Variants in ASCC2 observed in about 807,000 individuals in gnomAD.
The protein encoded by ASCC2 is activating signal cointegrator 1 complex subunit 2.
ASCC2 carries 42 observed loss-of-function variants against 93.5 expected under a neutral mutation model. The observed-to-expected ratio is 0.45, with a 90% confidence interval of 0.35 to 0.58. The LOEUF (loss-of-function observed/expected upper bound fraction) is 0.58, where lower values mean the gene tolerates loss of function less well. Ranked by LOEUF, ASCC2 falls within the 20% of genes least tolerant of loss-of-function variation. ASCC2 has a pLI of 0.00. For missense variants in ASCC2, 859 were observed against 977.6 expected (o/e 0.88, Z 1.62); for synonymous variants, 364 against 384.2 (o/e 0.95, Z 0.62).
chr22:29,832,410 G>A (rs2063263317), intron 1 of ASCC2, 68 bp from the exon 2 acceptor site: 1 of 1,246,798 alleles, frequency 8.0e-7, no homozygotes, highest in South Asian at 1.3e-5. Context: ...CCTGCTCTGG[G>A]GCTGATCCCA....
Position 29,822,413 on chromosome 22 carries a change from G to A in ASCC2, c.463C>T (p.Leu155Phe), listed in dbSNP as rs1209101749. 1.2e-6 allele frequency: 2 copies of A among 1,614,010 alleles called. No individual in the cohort carries two copies. Among genetic ancestry groups the A allele is most frequent in the Non-Finnish European group, 1.7e-6 (2 of 1,179,970 alleles). The change falls in exon 5 of 20, where the codon CTC becomes TTC. Residue 155 changes from leucine (L) to phenylalanine (F), a missense_variant. Leu to Phe is a conservative substitution (Grantham distance 22). Coordinates refer to ENST00000307790, the MANE Select transcript of ASCC2 (RefSeq NM_032204.5). ...AFGEILYNNF[L>F]FDIPKILDLC... ...TCCAGGATCTTTGGAATGTCAAAGA[G>A]GAAGTTATTGTAGAGGATTTCTCCA...
chr22:29,808,302 C>T, intron 8 of ASCC2, 117 bp from the exon 9 acceptor site: 1 of 1,044,214 alleles, frequency 9.6e-7, no homozygotes, highest in Non-Finnish European at 1.4e-6. Flanking sequence ...ACACAATTTT[C>T]TCCAGGGACC....
At chr22:29,837,347 C>G (rs926347649) in intron 1 of ASCC2, among the ~76,000 whole-genome samples, 2 of 152,070 alleles carry the variant, frequency 1.3e-5, no homozygotes, top group Middle Eastern at 3.5e-3. Context: ...GCAGGAGAAT[C>G]GCTTGAACCC....
At chr22:29,837,429 T>C (rs2063965283) in intron 1 of ASCC2, among the ~76,000 whole-genome samples, 1 of 135,640 alleles carries the variant, frequency 7.4e-6, no homozygotes, top group African/African-American at 2.5e-5. Context: ...CAAGACCCCG[T>C]CTTGGGGGGA....
At chr22:29,823,556 T>C (rs249403) in intron 4 of ASCC2, among the ~76,000 whole-genome samples, 11,838 of 152,282 alleles carry the variant, frequency 0.078, 513 homozygotes, top group African/African-American at 0.089. Flanking sequence ...TATGAAAATT[T>C]TGTATTTGTG....
At position 29,790,452 on chromosome 22, in the gene ASCC2, G is replaced by A. The variant is rs765480387; in HGVS notation, c.2102+17C>T. The stretch of plus-strand genomic sequence containing the variant: ...GGTGGGAGGGGTCCCCCCAGAAGCA[G>A]CCCCTTGAATGCTCACCCTTTCTTG... On this transcript the variant is annotated intron_variant, in intron 19 of 19. Transcript: ENST00000307790. 1.4e-5 allele frequency: 23 copies of A among 1,613,744 alleles called. No individual in the cohort carries two copies. The African/African-American group carries it at 2.1e-4, about 15-fold the overall frequency.
intron 2 of ASCC2, among the ~76,000 whole-genome samples, 186 bp downstream of exon 2, chr22:29,832,059 C>T (rs1351097686): frequency 1.3e-5 from 2 of 152,088 alleles, no homozygotes; most frequent in Non-Finnish European, 2.9e-5. Flanking sequence ...TATGCAAATT[C>T]AAGTTGCTGC....
At chr22:29,818,407 CACACACA>C (rs1384376291) in intron 5 of ASCC2, among the ~76,000 whole-genome samples, 19 of 3,318 alleles carry the variant, frequency 5.7e-3, no homozygotes, top group Non-Finnish European at 0.013. Flanking sequence ...CCTGCCTACA[CACACACA>C]CACACACACA....
At chr22:29,819,234 C>T (rs1175511319) in intron 5 of ASCC2, among the ~76,000 whole-genome samples, 4 of 152,150 alleles carry the variant, frequency 2.6e-5, no homozygotes, top group African/African-American at 4.8e-5. Context: ...AATCTCGGCT[C>T]GCTGCAACCT....
At chr22:29,806,998 G>A (rs1213732096) in intron 9 of ASCC2, 94 bp from the exon 10 acceptor site, 1 of 901,828 alleles carries the variant, frequency 1.1e-6, no homozygotes, top group South Asian at 1.7e-5. Flanking sequence ...TAGCATCTTG[G>A]GAATCTGAGG....
chr22:29,796,634 A>G (rs576176245), intron 15 of ASCC2, among the ~76,000 whole-genome samples: 1 of 152,308 alleles, frequency 6.6e-6, no homozygotes, highest in South Asian at 2.1e-4. Flanking sequence ...CACATCCACC[A>G]GGGAAGGGGC....
intron 4 of ASCC2, among the ~76,000 whole-genome samples, chr22:29,822,766 G>A (rs1814412559): frequency 1.4e-5 from 2 of 145,880 alleles, no homozygotes; most frequent in South Asian, 4.4e-4. Context: ...TGTTGCCCAG[G>A]CTGATGTGCA....
At chr22:29,834,374 G>A in intron 1 of ASCC2, 1 of 399,096 alleles carries the variant, frequency 2.5e-6, no homozygotes, top group Non-Finnish European at 5.1e-6. Flanking sequence ...AAGGCAAGGA[G>A]GTGGAAACAG....
chr22:29,792,588 A>G, intron 17 of ASCC2, 53 bp from the exon 18 acceptor site: 3 of 1,606,806 alleles, frequency 1.9e-6, no homozygotes, highest in Non-Finnish European at 2.6e-6. Flanking sequence ...CAGGAGCAAG[A>G]GCCACAAGGA....
chr22:29,816,434 G>T (rs973229686), intron 5 of ASCC2, among the ~76,000 whole-genome samples: 15 of 152,234 alleles, frequency 9.9e-5, no homozygotes, highest in African/African-American at 3.4e-4. Context: ...GGCTCTGCAA[G>T]TTGGAGTTAG....
chr22:29,831,741 T>G (rs747050853), intron 2 of ASCC2, among the ~76,000 whole-genome samples: 1 of 152,236 alleles, frequency 6.6e-6, no homozygotes, highest in African/African-American at 2.4e-5. Context: ...GACATGTTCA[T>G]AGCCTCCTTA....
chr22:29,798,827 A>G (rs995230996), intron 15 of ASCC2, among the ~76,000 whole-genome samples: 2 of 152,234 alleles, frequency 1.3e-5, no homozygotes, highest in Non-Finnish European at 1.5e-5. Context: ...GGTGTCTAGC[A>G]TAGGATCTGG....
intron 1 of ASCC2, among the ~76,000 whole-genome samples, chr22:29,837,283 AT>A (rs1267627742): frequency 4.4e-5 from 6 of 135,380 alleles, no homozygotes; most frequent in Non-Finnish European, 9.5e-5. Context: ...AAAAAAAAAA[AT>A]TAGCAGGGCG....
Position 29,832,279 on chromosome 22 carries a change from G to C in ASCC2, c.47C>G (p.Pro16Arg). ...LDQLQITHKD[P>R]KTGKLRTSPA... Reference sequence around the variant, plus strand: ...TGAAGTCCTCAGCTTTCCTGTCTTCGGGTCCTTGTGGGTGATCTGGAGTTG... The same window carrying C: ...TGAAGTCCTCAGCTTTCCTGTCTTCCGGTCCTTGTGGGTGATCTGGAGTTG... Residue 16 changes from proline to arginine, a missense_variant, in exon 2 of 20, where the codon CCG becomes CGG. By Grantham distance (103) the Pro-to-Arg change is moderately radical. Coordinates refer to ENST00000307790, the MANE Select transcript of ASCC2 (RefSeq NM_032204.5). 1.2e-6 allele frequency: 2 copies of C among 1,613,976 alleles called. No homozygotes were observed. The highest frequency in any genetic ancestry group is 1.7e-6 in the Non-Finnish European group (2 of 1,179,958).
Sources: allele counts gnomAD v4.1 joint callset (sites outside exome capture counted in the v4.1 genomes callset), GRCh38; gene constraint gnomAD v4.1.1; transcripts MANE v1.5; gene names NCBI Gene and HGNC (gene_info 2026-07-23, HGNC 2026-07-21).